Variants in GULP1 observed in about 807,000 individuals in gnomAD.
GULP1 encodes PTB domain-containing engulfment adapter protein 1.
Under a neutral mutation model 40.9 loss-of-function variants are expected in GULP1, and 19 were observed. The observed-to-expected ratio is 0.46, with a 90% CI of 0.32 to 0.68. GULP1 has a LOEUF of 0.68. Ranked by LOEUF, GULP1 falls within the 30% of genes least tolerant of loss-of-function variation. GULP1 has a pLI of 0.03. For synonymous variants in GULP1, 119 were observed against 117.6 expected (o/e 1.01, Z -0.08); for missense variants, 312 against 362.2 (o/e 0.86, Z 1.12).
chr2:188,393,569 G>T (rs978003141), intron 2 of GULP1, among the ~76,000 whole-genome samples: 7 of 151,926 alleles, frequency 4.6e-5, no homozygotes, highest in African/African-American at 1.7e-4. Context: ...GGCCATTTAT[G>T]TTCAATGTTA....
chr2:188,485,571 A>G (rs964622290), intron 4 of GULP1, among the ~76,000 whole-genome samples: 1 of 151,866 alleles, frequency 6.6e-6, no homozygotes, highest in Non-Finnish European at 1.5e-5. Flanking sequence ...CCACTTGAAA[A>G]CCAAATCCTT....
chr2:188,403,089 A>G (rs939802592), intron 2 of GULP1, among the ~76,000 whole-genome samples: 2 of 152,138 alleles, frequency 1.3e-5, no homozygotes, highest in Admixed American at 6.5e-5. Flanking sequence ...ACACCTAGTC[A>G]GTATTCCCTT....
At chr2:188,444,766 G>T (rs573228421) in intron 2 of GULP1, among the ~76,000 whole-genome samples, 2 of 152,282 alleles carry the variant, frequency 1.3e-5, no homozygotes, top group South Asian at 4.1e-4. Context: ...TTGAAATTCT[G>T]ATATTGTGCA....
intron 1 of GULP1, among the ~76,000 whole-genome samples, chr2:188,338,510 G>T (rs1472323945): frequency 3.9e-5 from 6 of 151,950 alleles, no homozygotes; most frequent in African/African-American, 1.5e-4. Context: ...TTGCTCTGTT[G>T]CCAGGGCTGG....
At chr2:188,402,856 T>G (rs576577778) in intron 2 of GULP1, among the ~76,000 whole-genome samples, 1 of 152,262 alleles carries the variant, frequency 6.6e-6, no homozygotes, top group East Asian at 1.9e-4. Context: ...TCAGGCACTG[T>G]CCTAAGCTGT....
At chr2:188,428,875 A>G (rs2056531383) in intron 2 of GULP1, among the ~76,000 whole-genome samples, 1 of 152,048 alleles carries the variant, frequency 6.6e-6, no homozygotes. Context: ...AGGACTTTAA[A>G]AAAAAGTGTG....
At chr2:188,409,048 G>A (rs1224342371) in intron 2 of GULP1, among the ~76,000 whole-genome samples, 1 of 151,910 alleles carries the variant, frequency 6.6e-6, no homozygotes, top group East Asian at 1.9e-4. Flanking sequence ...GAAAGAAAAA[G>A]AAGCAACCTA....
intron 2 of GULP1, among the ~76,000 whole-genome samples, chr2:188,396,958 T>C (rs1204093855): frequency 6.6e-6 from 1 of 152,166 alleles, no homozygotes; most frequent in Non-Finnish European, 1.5e-5. Context: ...GGGTAAGGCC[T>C]TCCCCTGTAG....
At chr2:188,370,020 A>AT (rs904295887) in intron 1 of GULP1, among the ~76,000 whole-genome samples, 35 of 151,974 alleles carry the variant, frequency 2.3e-4, no homozygotes, top group African/African-American at 8.0e-4. Flanking sequence ...TTTGTTTTGT[A>AT]TTTTTTGTAG....
At chr2:188,448,133 C>A (rs972387427) in intron 2 of GULP1, among the ~76,000 whole-genome samples, 1 of 152,150 alleles carries the variant, frequency 6.6e-6, no homozygotes, top group Non-Finnish European at 1.5e-5. Context: ...AGTTTGATCA[C>A]TTGTGGTGGT....
intron 6 of GULP1, among the ~76,000 whole-genome samples, chr2:188,530,539 T>TG (rs1220347471): frequency 1.3e-5 from 2 of 152,024 alleles, no homozygotes; most frequent in Non-Finnish European, 2.9e-5. Flanking sequence ...ATTTTAAGGG[T>TG]GGGGCCTCAT....
At chr2:188,485,884 G>C (rs1476653375) in intron 4 of GULP1, among the ~76,000 whole-genome samples, 1 of 151,930 alleles carries the variant, frequency 6.6e-6, no homozygotes, top group South Asian at 2.1e-4. Context: ...CAATTCACTG[G>C]ATCTGGCTCA....
chr2:188,477,087 A>G (rs779942994), intron 2 of GULP1, among the ~76,000 whole-genome samples: 1 of 152,142 alleles, frequency 6.6e-6, no homozygotes, highest in Non-Finnish European at 1.5e-5. Context: ...CACTAAATTT[A>G]GATCCCATGC....
At chr2:188,502,041 A>G (rs992321928) in intron 4 of GULP1, among the ~76,000 whole-genome samples, 1 of 151,920 alleles carries the variant, frequency 6.6e-6, no homozygotes, top group Non-Finnish European at 1.5e-5. Context: ...TTTCAAAAAT[A>G]TATTTGTTAA....
At chr2:188,577,884 A>G (rs752251681) in intron 9 of GULP1, among the ~76,000 whole-genome samples, 26 of 152,184 alleles carry the variant, frequency 1.7e-4, no homozygotes, top group Non-Finnish European at 3.1e-4. Context: ...ATCTAGAAAG[A>G]TCTGCTAGAA....
intron 7 of GULP1, among the ~76,000 whole-genome samples, chr2:188,545,992 G>A (rs1253734493): frequency 6.6e-6 from 1 of 151,906 alleles, no homozygotes; most frequent in African/African-American, 2.4e-5. Flanking sequence ...AGACAGAGGA[G>A]GGGCATATAG....
intron 1 of GULP1, among the ~76,000 whole-genome samples, chr2:188,368,346 A>G (rs2047081670): frequency 6.6e-6 from 1 of 152,078 alleles, no homozygotes; most frequent in South Asian, 2.1e-4. Flanking sequence ...CTTTGGGGGC[A>G]TAGGCGGGTG....
intron 2 of GULP1, among the ~76,000 whole-genome samples, chr2:188,413,038 T>C (rs1364410184): frequency 6.6e-6 from 1 of 152,168 alleles, no homozygotes; most frequent in Non-Finnish European, 1.5e-5. Context: ...TCCAAATACA[T>C]TCAGCAATGT....
intron 2 of GULP1, among the ~76,000 whole-genome samples, chr2:188,412,937 C>A (rs1046549455): frequency 1.3e-5 from 2 of 152,004 alleles, no homozygotes; most frequent in African/African-American, 2.4e-5. Flanking sequence ...AAATAACTTA[C>A]CAAATTTTTT....
Sources: gnomAD v4.1 joint callset for allele counts (sites outside exome capture counted in the v4.1 genomes callset) on GRCh38, gnomAD v4.1.1 for gene constraint, MANE v1.5 for transcripts, NCBI Gene and HGNC (gene_info 2026-07-23, HGNC 2026-07-21) for gene names.